TP63: variants seen among roughly 807,000 people sequenced by gnomAD.
The protein encoded by TP63 is tumor protein p63, also known as tumor protein 63.
In TP63, 17 loss-of-function variants were observed where a neutral mutation model predicts 82.8. That is an observed-to-expected ratio of 0.21 (90% CI 0.14 to 0.31). The LOEUF is 0.31. Ranked by LOEUF, TP63 falls within the 10% of genes least tolerant of loss-of-function variation. The probability of loss-of-function intolerance (pLI) is 1.00; values close to 1 mark genes in which losing one functional copy is unlikely to be tolerated. For synonymous variants in TP63, 330 were observed against 321.7 expected, an observed-to-expected ratio of 1.03 and a Z score of -0.28; for missense variants, 648 against 895.3, an observed-to-expected ratio of 0.72 and a Z score of 3.52.
At chr3:189,716,368 G>C (rs1251810071) in intron 1 of TP63, among the ~76,000 whole-genome samples, 1 of 152,122 alleles carries the variant, frequency 6.6e-6, no homozygotes, top group Non-Finnish European at 1.5e-5. Context: ...AATTTGTTTA[G>C]ATTCTTAGTC....
At chr3:189,658,466 C>A (rs1370231579) in intron 1 of TP63, among the ~76,000 whole-genome samples, 2 of 151,936 alleles carry the variant, frequency 1.3e-5, no homozygotes, top group African/African-American at 4.8e-5. Context: ...AGAAACTTTG[C>A]AAACACTCCT....
chr3:189,691,511 T>C (rs761068486), intron 1 of TP63, among the ~76,000 whole-genome samples: 2 of 152,208 alleles, frequency 1.3e-5, no homozygotes, highest in Non-Finnish European at 2.9e-5. Flanking sequence ...ATCTCTGGCC[T>C]CTTTCCATTA....
chr3:189,627,517 G>A (rs1395017720), upstream of TP63, among the ~76,000 whole-genome samples: 2 of 152,106 alleles, frequency 1.3e-5, no homozygotes, highest in Non-Finnish European at 2.9e-5. Context: ...GCCTCACATG[G>A]CTATTCAAAT....
At chr3:189,701,159 C>A (rs900551184) in intron 1 of TP63, among the ~76,000 whole-genome samples, 2 of 152,044 alleles carry the variant, frequency 1.3e-5, no homozygotes, top group African/African-American at 4.8e-5. Flanking sequence ...TCCATTAAAC[C>A]TCTTTTTCTT....
At chr3:189,807,094 A>G (rs1437359605) in intron 3 of TP63, among the ~76,000 whole-genome samples, 1 of 151,944 alleles carries the variant, frequency 6.6e-6, no homozygotes. Context: ...TTTCTCATTC[A>G]TTAGGTTGAT....
intron 4 of TP63, among the ~76,000 whole-genome samples, chr3:189,836,720 C>T (rs1182189260): frequency 6.6e-6 from 1 of 152,156 alleles, no homozygotes; most frequent in African/African-American, 2.4e-5. Context: ...TCTTCCTCTT[C>T]AGTGTCAGGC....
At chr3:189,859,202 A>G (rs1041982912) in intron 4 of TP63, among the ~76,000 whole-genome samples, 5 of 152,338 alleles carry the variant, frequency 3.3e-5, no homozygotes, top group Middle Eastern at 3.4e-3. Flanking sequence ...TATACAATAT[A>G]GACATGTATC....
chr3:189,679,427 C>T (rs928494189), intron 1 of TP63, among the ~76,000 whole-genome samples: 1 of 151,928 alleles, frequency 6.6e-6, no homozygotes, highest in African/African-American at 2.4e-5. Flanking sequence ...ATTTGTAAGA[C>T]TGTTTTTGAG....
At chr3:189,697,551 T>C (rs1207458842) in intron 1 of TP63, among the ~76,000 whole-genome samples, 1 of 151,992 alleles carries the variant, frequency 6.6e-6, no homozygotes, top group Non-Finnish European at 1.5e-5. Context: ...CCACATAAAC[T>C]TCAGAGTGAG....
intron 1 of TP63, among the ~76,000 whole-genome samples, chr3:189,703,954 T>A (rs1380110059): frequency 6.6e-6 from 1 of 152,202 alleles, no homozygotes; most frequent in Non-Finnish European, 1.5e-5. Flanking sequence ...TAATAAACAT[T>A]CACTTACTAG....
intron 3 of TP63, among the ~76,000 whole-genome samples, chr3:189,775,071 T>C (rs1723676087): frequency 6.6e-6 from 1 of 151,710 alleles, no homozygotes; most frequent in African/African-American, 2.4e-5. Context: ...ATACAAAAAA[T>C]TAGCCAGGCG....
At chr3:189,675,711 C>T (rs184872794) in intron 1 of TP63, among the ~76,000 whole-genome samples, 8 of 152,158 alleles carry the variant, frequency 5.3e-5, no homozygotes, top group East Asian at 3.9e-4. Context: ...TCCTGCTCCC[C>T]CTCACCCACC....
chr3:189,675,330 C>A (rs1715294587), intron 1 of TP63, among the ~76,000 whole-genome samples: 1 of 151,872 alleles, frequency 6.6e-6, no homozygotes, highest in African/African-American at 2.4e-5. Flanking sequence ...AGAAGACTGT[C>A]ATCAGAAGAT....
At chr3:189,603,544 A>C in the TP63 span, among the ~76,000 whole-genome samples, 1 of 151,580 alleles carries the variant, frequency 6.6e-6, no homozygotes, top group African/African-American at 2.4e-5. Flanking sequence ...CAGTGGCTCA[A>C]ACTAAGTTCT....
chr3:189,764,915 C>G (rs974627601), intron 3 of TP63, among the ~76,000 whole-genome samples: 1 of 152,086 alleles, frequency 6.6e-6, no homozygotes, highest in Admixed American at 6.6e-5. Context: ...GTAAATGTTC[C>G]TACCTGCTTT....
the TP63 span, among the ~76,000 whole-genome samples, chr3:189,612,599 G>A: frequency 3.9e-5 from 6 of 152,156 alleles, no homozygotes; most frequent in Admixed American, 6.5e-5. Context: ...AAAGATATTC[G>A]AAAATGTGGA....
At chr3:189,684,108 T>C (rs1355697263) in intron 1 of TP63, among the ~76,000 whole-genome samples, 2 of 152,186 alleles carry the variant, frequency 1.3e-5, no homozygotes, top group African/African-American at 4.8e-5. Context: ...TGTACAAATA[T>C]AACAACACCT....
At chr3:189,818,741 G>A (rs1235913206) in intron 4 of TP63, among the ~76,000 whole-genome samples, 6 of 152,032 alleles carry the variant, frequency 3.9e-5, no homozygotes, top group Admixed American at 1.3e-4. Context: ...GTATCTGATT[G>A]AATTTGAAAA....
intron 3 of TP63, among the ~76,000 whole-genome samples, chr3:189,763,967 T>C (rs1722761115): frequency 6.6e-6 from 1 of 152,062 alleles, no homozygotes; most frequent in African/African-American, 2.4e-5. Flanking sequence ...TGAGGGTCAA[T>C]TAAAGAAAAA....
Sources: gnomAD v4.1 joint callset for allele counts (sites outside exome capture counted in the v4.1 genomes callset) on GRCh38, gnomAD v4.1.1 for gene constraint, MANE v1.5 for transcripts, NCBI Gene and HGNC (gene_info 2026-07-23, HGNC 2026-07-21) for gene names.